RBM27: variants seen among roughly 807,000 people sequenced by gnomAD.
RBM27 encodes RNA-binding protein 27.
Under a neutral mutation model 135.3 loss-of-function variants are expected in RBM27, and 22 were observed. The observed-to-expected ratio is 0.16, with a 90% CI of 0.12 to 0.23. The LOEUF (loss-of-function observed/expected upper bound fraction) is 0.23. RBM27 is among the 10% of genes least tolerant of loss of function. The pLI, the probability that RBM27 is intolerant of heterozygous loss-of-function variation, is 1.00. For synonymous variants in RBM27, 481 were observed against 442.4 expected (o/e 1.09, Z -1.10); for missense variants, 1,009 against 1,281.0 (o/e 0.79, Z 3.24).
At chr5:146,222,556 T>C (rs913722307) in intron 2 of RBM27, among the ~76,000 whole-genome samples, 1 of 152,138 alleles carries the variant, frequency 6.6e-6, no homozygotes, top group African/African-American at 2.4e-5. Flanking sequence ...TGGTGGCACA[T>C]GCCTGTAATC....
At chr5:146,238,961 T>TA (rs1452344040) in intron 8 of RBM27, among the ~76,000 whole-genome samples, 1 of 152,166 alleles carries the variant, frequency 6.6e-6, no homozygotes, top group Admixed American at 6.5e-5. Context: ...CTAAAGCATC[T>TA]AAAAAAGTGC....
In RBM27 at chr5:146,287,820, A is replaced by C. The variant is rs963493713; in HGVS notation, c.*1790A>C. The C allele has an allele frequency of 2.0e-5, 3 of 152,090 alleles. No individual in the cohort carries two copies. The highest frequency in any genetic ancestry group is 7.2e-5 in the African/African-American group (3 of 41,434). The allele number at this position is 152,090 out of a possible 1,614,324, so 9.4% of individuals were successfully genotyped here. A position where few individuals can be genotyped will look rare whatever the true frequency, so the allele number is the denominator to read the frequency against. On this transcript the variant is annotated 3_prime_UTR_variant, in exon 21 of 21. Transcript: ENST00000265271. The stretch of plus-strand genomic sequence containing the variant: ...ACACTGAAGGTAAAATAAGCTTATA[A>C]AAGAAGGAAAACATCAGAATGGTGT...
chr5:146,228,926 T>C lies in RBM27; in HGVS notation c.304-20T>C, dbSNP rs1756804068. The C allele has an allele frequency of 6.2e-7, 1 of 1,606,680 alleles. No individual in the cohort carries two copies. The highest frequency in any genetic ancestry group is 1.3e-5 in the African/African-American group (1 of 74,858). Reference sequence around the variant, plus strand: ...CCGTGCCTGGCCCTGCTCTTACTTCTACTCAATATTTTCATATAGGTATTT... The same window carrying C: ...CCGTGCCTGGCCCTGCTCTTACTTCCACTCAATATTTTCATATAGGTATTT... On this transcript the variant is annotated intron_variant, in intron 3 of 20. Coordinates refer to ENST00000265271, the MANE Select transcript of RBM27 (RefSeq NM_018989.2).
Position 146,280,664 on chromosome 5 carries a change from C to T in RBM27, c.2989-3958C>T, listed in dbSNP as rs150774369. 2.6e-3 allele frequency among the ~76,000 whole-genome samples: 390 copies of T among 152,198 alleles called. 1 individual carries two copies. Among genetic ancestry groups the T allele is most frequent in the African/African-American group, 9.2e-3 (381 of 41,526 alleles). The stretch of plus-strand genomic sequence containing the variant: ...GATTCCACATTTGCCAATTCATCTA[C>T]TCACTAAAATTTATTTGTAACCCCA... On this transcript the variant is annotated intron_variant, in intron 19 of 20. Transcript: ENST00000265271.
intron 14 of RBM27, among the ~76,000 whole-genome samples, chr5:146,265,231 A>G (rs1758565395): frequency 6.6e-6 from 1 of 152,158 alleles, no homozygotes; most frequent in South Asian, 2.1e-4. Context: ...CTGCAAATGT[A>G]GTATATCTAC....
chr5:146,282,313 C>G (rs757492049), intron 19 of RBM27, among the ~76,000 whole-genome samples: 6 of 152,158 alleles, frequency 3.9e-5, no homozygotes, highest in Non-Finnish European at 8.8e-5. Context: ...GCCTCATCCT[C>G]TTACTGATGG....
chr5:146,203,897 G>C, intron 1 of RBM27, 73 bp downstream of exon 1: 1 of 1,300,348 alleles, frequency 7.7e-7, no homozygotes, highest in Non-Finnish European at 1.1e-6. Flanking sequence ...GGGGAGGGGA[G>C]GTGGCGTGGG....
At chr5:146,223,132 T>A (rs747598376) in intron 2 of RBM27, among the ~76,000 whole-genome samples, 3 of 152,232 alleles carry the variant, frequency 2.0e-5, no homozygotes, top group Non-Finnish European at 4.4e-5. Context: ...ATAGTTTATT[T>A]AACTAGTCTC....
In RBM27 at chr5:146,223,426, C is replaced by G. The variant is rs773156023; in HGVS notation, c.202C>G (p.Leu68Val). 2 of 1,600,534 alleles carry G rather than the reference C, an allele frequency of 1.2e-6. No homozygotes were observed. Among genetic ancestry groups the G allele is most frequent in the Non-Finnish European group, 1.7e-6 (2 of 1,175,488 alleles). Residue 68 changes from leucine to valine, a missense_variant, in exon 3 of 21, where the codon CTA becomes GTA. By Grantham distance (32) the Leu-to-Val change is conservative (BLOSUM62 1). This residue lies in a region of RBM27 where 268 missense variants were observed against 326.6 expected (regional missense o/e 0.82). Transcript: ENST00000265271. ...AGAAACTTCAGGTTTTGTGGACAAA[C>G]TATTTGAAAGTCTCTATACTAAGAA... ...QKETSGFVDK[L>V]FESLYTKNYL...
In RBM27 at chr5:146,255,346, G is replaced by A. The variant is rs555714076; in HGVS notation, c.1594+254G>A. 2.0e-5 allele frequency among the ~76,000 whole-genome samples: 3 copies of A among 152,066 alleles called. No homozygotes were observed. The South Asian group carries it at 6.2e-4, about 32-fold the overall frequency. Reference sequence around the variant, plus strand: ...CTAATATTATTTAACTGCTTCTTTTGGTAGGACTTTAGGCTGTTTTAGTTT... The same window carrying A: ...CTAATATTATTTAACTGCTTCTTTTAGTAGGACTTTAGGCTGTTTTAGTTT... On this transcript the variant is annotated intron_variant, in intron 10 of 20. Coordinates refer to ENST00000265271, the MANE Select transcript of RBM27 (RefSeq NM_018989.2).
Position 146,233,114 on chromosome 5 carries a change from C to T in RBM27, c.851-336C>T, listed in dbSNP as rs147344231. On this transcript the variant is annotated intron_variant, in intron 6 of 20. Transcript: ENST00000265271. ...AATGCCCTTATTCTCCCCTACCCCA[C>T]GCCTTTGCTAAATTGATATTTGTTT... 2.7e-3 allele frequency among the ~76,000 whole-genome samples: 412 copies of T among 152,298 alleles called. 2 individuals are homozygous for T. The highest frequency in any genetic ancestry group is 5.4e-3 in the South Asian group (26 of 4,828).
chr5:146,286,237 G>T lies in RBM27; in HGVS notation c.*207G>T. On this transcript the variant is annotated 3_prime_UTR_variant, in exon 21 of 21. Coordinates refer to ENST00000265271, the MANE Select transcript of RBM27 (RefSeq NM_018989.2). ...CCAAAGGCCTAGTGACTTTTACACA[G>T]TTGTGAAGATCCACAGCAATGACAT... 2 of 426,114 alleles carry T rather than the reference G, an allele frequency of 4.7e-6. No individual in the cohort carries two copies. Among genetic ancestry groups the T allele is most frequent in the Non-Finnish European group, 8.2e-6 (2 of 243,558 alleles). The allele number at this position is 426,114 out of a possible 1,614,324, so 26.4% of individuals were successfully genotyped here.
chr5:146,257,989 T>A (rs1758191326), intron 10 of RBM27, among the ~76,000 whole-genome samples: 1 of 152,120 alleles, frequency 6.6e-6, no homozygotes, highest in Non-Finnish European at 1.5e-5. Flanking sequence ...GCTAATTTTT[T>A]TGTATTTTTA....
chr5:146,279,380 C>T (rs956837132), intron 19 of RBM27, among the ~76,000 whole-genome samples: 1 of 150,742 alleles, frequency 6.6e-6, no homozygotes, highest in African/African-American at 2.4e-5. Flanking sequence ...ACCTGGGAGG[C>T]GGGTTACAGT....
intron 14 of RBM27, among the ~76,000 whole-genome samples, chr5:146,266,671 C>T (rs1261316199): frequency 6.6e-6 from 1 of 152,154 alleles, no homozygotes; most frequent in Non-Finnish European, 1.5e-5. Flanking sequence ...TGCAGTGGCT[C>T]ACACCTCTAA....
At chr5:146,255,786 T>G (rs1427391594) in intron 10 of RBM27, among the ~76,000 whole-genome samples, 1 of 152,128 alleles carries the variant, frequency 6.6e-6, no homozygotes, top group Admixed American at 6.6e-5. Flanking sequence ...ACTGACACAA[T>G]AGTTTTTTGA....
intron 8 of RBM27, chr5:146,245,236 TAA>T (rs1757573888): frequency 1.3e-5 from 2 of 152,182 alleles, no homozygotes; most frequent in South Asian, 4.1e-4. Flanking sequence ...GAGAAAATCT[TAA>T]AGAGCTGTAC....
chr5:146,267,605 A>G (rs1339483181), intron 14 of RBM27, 44 bp from the exon 15 acceptor site: 3 of 1,231,922 alleles, frequency 2.4e-6, no homozygotes, highest in African/African-American at 3.1e-5. Flanking sequence ...TTTCTAAGAT[A>G]TAATTATATT....
intron 7 of RBM27, 118 bp from the exon 8 acceptor site, chr5:146,237,180 C>T (rs1197319113): frequency 6.7e-6 from 8 of 1,191,362 alleles, no homozygotes; most frequent in Admixed American, 4.3e-5. Context: ...CTCAGGTGAT[C>T]CGCCTGTCTT....
Sources: gnomAD v4.1 joint callset for allele counts (sites outside exome capture counted in the v4.1 genomes callset) on GRCh38, gnomAD v4.1.1 for gene constraint, gnomAD v4.1.1 regional missense constraint, MANE v1.5 for transcripts, NCBI Gene and HGNC (gene_info 2026-07-23, HGNC 2026-07-21) for gene names.